The following PTP4A3 variants were observed in gnomAD, a reference collection of about 807,000 sequenced individuals.
The protein encoded by PTP4A3 is protein tyrosine phosphatase type IVA 3.
Under a neutral mutation model 15.2 loss-of-function variants are expected in PTP4A3, and 9 were observed. That is an observed-to-expected ratio of 0.59 (90% CI 0.36 to 1.03). The LOEUF (loss-of-function observed/expected upper bound fraction) is 1.03, where lower values mean the gene tolerates loss of function less well. Among genes scored for constraint, PTP4A3 ranks in the 50% least tolerant of loss-of-function variants. PTP4A3 has a pLI of 0.02. For synonymous variants in PTP4A3, 95 were observed against 102.0 expected, an observed-to-expected ratio of 0.93 and a Z score of 0.41; for missense variants, 234 against 252.1, an observed-to-expected ratio of 0.93 and a Z score of 0.49.
At chr8:141,392,940 C>T (rs1477866445) in intron 1 of PTP4A3, among the ~76,000 whole-genome samples, 1 of 149,516 alleles carries the variant, frequency 6.7e-6, no homozygotes, top group Non-Finnish European at 1.5e-5. Context: ...TGCTGCACCC[C>T]CTCTCTCTGC....
chr8:141,427,345 G>A (rs1833623756), intron 4 of PTP4A3, among the ~76,000 whole-genome samples: 1 of 152,184 alleles, frequency 6.6e-6, no homozygotes, highest in South Asian at 2.1e-4. Flanking sequence ...CAGACACAAA[G>A]ATCCCCCCAC....
rs547485988 is a variant in PTP4A3, at chr8:141,402,155, T to A, written c.-854+10071T>A. On this transcript the variant is annotated intron_variant, in intron 1 of 5. Transcript: ENST00000521578. Reference sequence around the variant, plus strand: ...TAGAAACATTGGAGGCCGCCCTGGGTGACGGGTCTGAGGCTGCAAGGTGTG... The same window carrying A: ...TAGAAACATTGGAGGCCGCCCTGGGAGACGGGTCTGAGGCTGCAAGGTGTG... 6.2e-4 allele frequency among the ~76,000 whole-genome samples: 95 copies of A among 152,196 alleles called. No individual in the cohort carries two copies. In the South Asian group the frequency reaches 0.019, roughly 31 times the overall value.
intron 1 of PTP4A3, among the ~76,000 whole-genome samples, chr8:141,396,155 A>G (rs1193220474): frequency 6.6e-6 from 1 of 152,186 alleles, no homozygotes; most frequent in African/African-American, 2.4e-5. Flanking sequence ...AACCGGCCCC[A>G]TTATCTGGGC....
At position 141,406,373 on chromosome 8, in the gene PTP4A3, C is replaced by G. The variant is rs145135035; in HGVS notation, c.-854+14289C>G. On this transcript the variant is annotated intron_variant, in intron 1 of 5. Transcript: ENST00000521578. The surrounding 1 kb of genome is among the most constrained non-coding windows in gnomAD (Gnocchi z 4.5). ...GTGCCCTGAAGCACTTCTGAGAAGC[C>G]GGGGAGCAGTTCCCTGGGGTTTCCC... 6.6e-6 allele frequency among the ~76,000 whole-genome samples: 1 copy of G among 152,106 alleles called. No homozygotes were observed. The highest frequency in any genetic ancestry group is 1.5e-5 in the Non-Finnish European group (1 of 68,006).
In PTP4A3 at chr8:141,429,958, G is replaced by A. The variant is rs1448395126; in HGVS notation, c.405-969G>A. On this transcript the variant is annotated intron_variant, in intron 5 of 5. Transcript: ENST00000521578. ...AAGGACCTGGTGGCGGGGACAGGGT[G>A]AGCGCACAGCCCACGTCCCCGCTGT... 1.8e-4 allele frequency among the ~76,000 whole-genome samples: 16 copies of A among 86,974 alleles called. 1 individual carries two copies. Among genetic ancestry groups the A allele is most frequent in the East Asian group, 6.3e-4 (2 of 3,150 alleles). The allele number at this position is 86,974 out of a possible 152,430, so 57.1% of individuals were successfully genotyped here.
intron 1 of PTP4A3, among the ~76,000 whole-genome samples, chr8:141,420,179 C>T (rs570484128): frequency 1.3e-5 from 2 of 152,126 alleles, no homozygotes; most frequent in African/African-American, 2.4e-5. Flanking sequence ...CTCTGCTGGG[C>T]GAGGGGCCCT....
intron 1 of PTP4A3, among the ~76,000 whole-genome samples, chr8:141,420,823 G>C (rs540049593): frequency 1.3e-5 from 2 of 152,242 alleles, no homozygotes; most frequent in African/African-American, 2.4e-5. Context: ...CCACGGCCGC[G>C]TGTGGGGCCA....
At chr8:141,428,923 A>T (rs1425518507) in intron 5 of PTP4A3, among the ~76,000 whole-genome samples, 33 of 152,030 alleles carry the variant, frequency 2.2e-4, no homozygotes. Flanking sequence ...CATGACATGC[A>T]CTCTCACACA....
At chr8:141,398,808 G>C (rs1278836247) in intron 1 of PTP4A3, among the ~76,000 whole-genome samples, 2 of 152,104 alleles carry the variant, frequency 1.3e-5, no homozygotes, top group Non-Finnish European at 2.9e-5. Context: ...CCCTTCTGCA[G>C]GATGGGCTGG....
chr8:141,426,527 G>A (rs567785101), intron 3 of PTP4A3: 1 of 985,428 alleles, frequency 1.0e-6, no homozygotes, highest in South Asian at 4.7e-5. Context: ...GCCAGCACAG[G>A]GGATGAGACC....
intron 1 of PTP4A3, among the ~76,000 whole-genome samples, chr8:141,410,621 C>G (rs1009597530): frequency 6.6e-6 from 1 of 152,232 alleles, no homozygotes; most frequent in Non-Finnish European, 1.5e-5. Context: ...AAGGGCAGGT[C>G]CATGAAGGAC....
chr8:141,409,884 C>T (rs1832822634), intron 1 of PTP4A3, among the ~76,000 whole-genome samples: 1 of 152,260 alleles, frequency 6.6e-6, no homozygotes, highest in African/African-American at 2.4e-5. Context: ...GGCCCACTCC[C>T]TGGGGCAGTG....
intron 1 of PTP4A3, among the ~76,000 whole-genome samples, chr8:141,400,371 G>A (rs1027088716): frequency 6.6e-6 from 1 of 152,250 alleles, no homozygotes; most frequent in African/African-American, 2.4e-5. Flanking sequence ...AATTCAAACA[G>A]CCTGGGAAAT....
intron 1 of PTP4A3, among the ~76,000 whole-genome samples, chr8:141,397,100 GGCTCT>G (rs1832470997): frequency 6.6e-6 from 1 of 152,208 alleles, no homozygotes. Flanking sequence ...TGTTGAATTT[GGCTCT>G]AGCCACCTCC....
chr8:141,394,737 G>A lies in PTP4A3; in HGVS notation c.-854+2653G>A, dbSNP rs557250856. 3.9e-5 allele frequency among the ~76,000 whole-genome samples: 6 copies of A among 152,338 alleles called. No homozygotes were observed. The South Asian group carries it at 1.0e-3, about 26-fold the overall frequency. ...CCCTCCTTCTGACCTGGACCGGCTC[G>A]CAGGACCCATAGGCAGGGACCTGGG... On this transcript the variant is annotated intron_variant, in intron 1 of 5. Coordinates refer to ENST00000521578, the MANE Select transcript of PTP4A3 (RefSeq NM_032611.3).
chr8:141,407,300 A>G (rs1399105665), intron 1 of PTP4A3, among the ~76,000 whole-genome samples: 1 of 152,244 alleles, frequency 6.6e-6, no homozygotes, highest in African/African-American at 2.4e-5. Context: ...TGCATCTGGT[A>G]GGACCTCAAC....
chr8:141,412,327 C>T (rs1485495328), intron 1 of PTP4A3, among the ~76,000 whole-genome samples: 1 of 152,208 alleles, frequency 6.6e-6, no homozygotes, highest in Non-Finnish European at 1.5e-5. Context: ...GCCGGCCCAG[C>T]TCCCCACCTC....
intron 1 of PTP4A3, among the ~76,000 whole-genome samples, chr8:141,393,052 C>A (rs1401509241): frequency 6.6e-6 from 1 of 152,168 alleles, no homozygotes; most frequent in Non-Finnish European, 1.5e-5. Flanking sequence ...GCAGTGTCCT[C>A]GGCTGCAGAC....
chr8:141,420,506 G>C (rs570014848), intron 1 of PTP4A3, among the ~76,000 whole-genome samples: 2 of 152,194 alleles, frequency 1.3e-5, no homozygotes, highest in Non-Finnish European at 2.9e-5. Context: ...GGCAGGCGTG[G>C]AGGTGCCTTG....
Sources: allele counts gnomAD v4.1 joint callset (sites outside exome capture counted in the v4.1 genomes callset), GRCh38; gene constraint gnomAD v4.1.1; non-coding constraint Gnocchi (gnomAD v3.1); transcripts MANE v1.5; gene names NCBI Gene and HGNC (gene_info 2026-07-23, HGNC 2026-07-21).